The following CARD8 variants were observed in gnomAD, a reference collection of about 807,000 sequenced individuals.
CARD8 encodes the protein caspase recruitment domain-containing protein 8.
In CARD8, 38 loss-of-function variants were observed where a neutral mutation model predicts 53.2. That is an observed-to-expected ratio of 0.71 (90% CI 0.55 to 0.94). The LOEUF (loss-of-function observed/expected upper bound fraction) is 0.94, where lower values mean the gene tolerates loss of function less well. Among genes scored for constraint, CARD8 ranks in the 40% least tolerant of loss-of-function variants. The pLI, the probability that CARD8 is intolerant of heterozygous loss-of-function variation, is 0.00. For synonymous variants in CARD8, 245 were observed against 244.9 expected (o/e 1.00, Z 0.00); for missense variants, 561 against 655.5 (o/e 0.86, Z 1.57).
In CARD8 at chr19:48,231,774, G is replaced by C. The variant is rs1218904568; in HGVS notation, c.428C>G (p.Ser143Cys). The change falls in exon 8 of 14, where the codon TCT becomes TGT. Residue 143 changes from serine to cysteine, a missense_variant. Ser to Cys is a moderately radical substitution (Grantham distance 112). Transcript: ENST00000651546. ...ICSEENQIVS[S>C]YASKVCFEIE... ...CTCAAAACAGACTTTAGAAGCATAA[G>C]AGGAAACTATTTGATTCTCTTCTGA... The C allele has an allele frequency of 1.2e-6, 2 of 1,613,772 alleles. No individual in the cohort carries two copies. The highest frequency in any genetic ancestry group is 2.7e-5 in the African/African-American group (2 of 74,912).
intron 10 of CARD8, among the ~76,000 whole-genome samples, chr19:48,227,977 C>T (rs955520738): frequency 1.3e-5 from 2 of 152,158 alleles, no homozygotes; most frequent in Non-Finnish European, 2.9e-5. Flanking sequence ...AGCAAACCTT[C>T]ATCTGTATTT....
chr19:48,204,076 C>A, downstream of CARD8: 3 of 438,958 alleles, frequency 6.8e-6, no homozygotes, highest in South Asian at 4.8e-5. Context: ...TCTTTACCCG[C>A]TGAGCATTGT....
chr19:48,214,805 T>G (rs1468831354), intron 13 of CARD8, among the ~76,000 whole-genome samples: 1 of 89,110 alleles, frequency 1.1e-5, no homozygotes, highest in Non-Finnish European at 2.3e-5. Flanking sequence ...TTTTTTTTTG[T>G]AGACCGAGAG....
chr19:48,216,600 G>A (rs2039358874), intron 12 of CARD8, among the ~76,000 whole-genome samples: 1 of 152,196 alleles, frequency 6.6e-6, no homozygotes, highest in Non-Finnish European at 1.5e-5. Context: ...AGGGCAGTTT[G>A]CCCAGAGAAG....
At chr19:48,233,045 A>G (rs1249939098) in intron 6 of CARD8, 3 of 352,614 alleles carry the variant, frequency 8.5e-6, no homozygotes, top group South Asian at 2.2e-5. Context: ...TTATATTCCA[A>G]GGTAATTCCA....
intron 13 of CARD8, among the ~76,000 whole-genome samples, chr19:48,213,964 A>G (rs893280382): frequency 1.9e-4 from 29 of 152,154 alleles, no homozygotes; most frequent in Admixed American, 1.6e-3. Flanking sequence ...TTCTCATGTC[A>G]CCTTTACTCT....
intron 1 of CARD8, among the ~76,000 whole-genome samples, chr19:48,254,645 C>T (rs1195061725): frequency 1.3e-5 from 2 of 151,584 alleles, no homozygotes; most frequent in African/African-American, 2.4e-5. Flanking sequence ...CGCAGCTACT[C>T]GGGAGGCTGA....
In CARD8 at chr19:48,210,384, T is replaced by C. The variant is rs747923854; in HGVS notation, c.*1326A>G. On this transcript the variant is annotated 3_prime_UTR_variant, in exon 14 of 14. Coordinates refer to ENST00000651546, the MANE Select transcript of CARD8 (RefSeq NM_001184900.3). ...GAAGTGGAAATTTGCAGAACGAAAT[T>C]TGGAAAATAATGAAGGAAGAGCAAC... 2.2e-4 allele frequency: 34 copies of C among 152,012 alleles called. No homozygotes were observed. The highest frequency in any genetic ancestry group is 7.7e-4 in the African/African-American group (32 of 41,392). The allele number at this position is 152,012 out of a possible 1,614,324, so 9.4% of individuals were successfully genotyped here.
rs1967218227 is a variant in CARD8, at chr19:48,255,862, T to C, written c.-322A>G. ...GACGGGCCAAATGGGAGAATCCCCT[T>C]AGGTCGGTTTCTCTGGTTCTCAACT... On this transcript the variant is annotated 5_prime_UTR_variant, in exon 1 of 14. Coordinates refer to ENST00000651546, the MANE Select transcript of CARD8 (RefSeq NM_001184900.3). 6.6e-6 allele frequency: 1 copy of C among 152,130 alleles called. No homozygotes were observed. Among genetic ancestry groups the C allele is most frequent in the South Asian group, 2.1e-4 (1 of 4,830 alleles). The allele number at this position is 152,130 out of a possible 1,614,324, so 9.4% of individuals were successfully genotyped here. A position where few individuals can be genotyped will look rare whatever the true frequency, so the allele number is the denominator to read the frequency against.
chr19:48,207,741 T>TTTTTTTTGTTTTTTG (rs1568595845), downstream of CARD8, among the ~76,000 whole-genome samples: 3 of 100,704 alleles, frequency 3.0e-5, no homozygotes, highest in East Asian at 3.2e-4. Flanking sequence ...TCTGTTTTTT[T>TTTTTTTTGTTTTTTG]TTTTTTTTTT....
chr19:48,216,874 T>C (rs995878909), intron 12 of CARD8, among the ~76,000 whole-genome samples: 1 of 152,192 alleles, frequency 6.6e-6, no homozygotes, highest in Non-Finnish European at 1.5e-5. Context: ...CTAAGTTCTA[T>C]TATTACATTG....
intron 7 of CARD8, 107 bp from the exon 8 acceptor site, chr19:48,231,917 G>C (rs771275361): frequency 1.0e-6 from 1 of 960,372 alleles, no homozygotes; most frequent in Admixed American, 1.8e-5. Flanking sequence ...TACAGATATC[G>C]AATGAGAGCT....
chr19:48,232,381 T>C (rs769262999), intron 7 of CARD8, 72 bp downstream of exon 7: 297 of 1,379,746 alleles, frequency 2.2e-4, no homozygotes, highest in Non-Finnish European at 2.9e-4. Context: ...TAAATTGTCT[T>C]CTTCACATAA....
At chr19:48,225,844 G>A (rs528241131) in intron 10 of CARD8, among the ~76,000 whole-genome samples, 6 of 152,090 alleles carry the variant, frequency 3.9e-5, no homozygotes, top group African/African-American at 1.4e-4. Flanking sequence ...CCTGAGGTCA[G>A]GAGTTCAAGA....
chr19:48,218,803 T>C (rs1218789455), intron 12 of CARD8, 68 bp downstream of exon 12: 1 of 1,496,966 alleles, frequency 6.7e-7, no homozygotes, highest in Non-Finnish European at 9.2e-7. Context: ...ATTTCTTCTT[T>C]GAAATCCAAG....
Position 48,218,860 on chromosome 19 carries a change from C to T in CARD8, c.1303+11G>A. On this transcript the variant is annotated intron_variant, in intron 12 of 13. Coordinates refer to ENST00000651546, the MANE Select transcript of CARD8 (RefSeq NM_001184900.3). ...CCTGTCTAAAAATGCCAGCCTCGCC[C>T]ACTCACCTACCTGGCTTCACCTCAG... 6.2e-7 allele frequency: 1 copy of T among 1,613,790 alleles called. No homozygotes were observed. The highest frequency in any genetic ancestry group is 8.5e-7 in the Non-Finnish European group (1 of 1,179,738).
At chr19:48,246,878 G>A (rs1420508030) in intron 3 of CARD8, among the ~76,000 whole-genome samples, 1 of 152,132 alleles carries the variant, frequency 6.6e-6, no homozygotes, top group Non-Finnish European at 1.5e-5. Flanking sequence ...TTCATTATAT[G>A]GATGGCAACT....
At chr19:48,232,235 G>A (rs543846169) in intron 7 of CARD8, 4 of 604,376 alleles carry the variant, frequency 6.6e-6, no homozygotes, top group South Asian at 6.0e-5. Flanking sequence ...GCTGTCCCCA[G>A]CCACCAGGAC....
At chr19:48,212,284 C>A (rs1254675489) in intron 13 of CARD8, among the ~76,000 whole-genome samples, 1 of 152,304 alleles carries the variant, frequency 6.6e-6, no homozygotes, top group East Asian at 1.9e-4. Flanking sequence ...GCTGTACATA[C>A]ATTTATATAT....
Sources: gnomAD v4.1 joint callset for allele counts (sites outside exome capture counted in the v4.1 genomes callset) on GRCh38, gnomAD v4.1.1 for gene constraint, MANE v1.5 for transcripts, NCBI Gene and HGNC (gene_info 2026-07-23, HGNC 2026-07-21) for gene names.